ANAPC16: variants seen among roughly 807,000 people sequenced by gnomAD.
ANAPC16 encodes anaphase promoting complex subunit 16.
ANAPC16 carries 6 observed loss-of-function variants against 13.1 expected under a neutral mutation model. That is an observed-to-expected ratio of 0.46 (90% CI 0.25 to 0.90). The LOEUF is 0.90. Among genes scored for constraint, ANAPC16 ranks in the 40% least tolerant of loss-of-function variants. The pLI is 0.18. For synonymous variants in ANAPC16, 55 were observed against 51.3 expected, an observed-to-expected ratio of 1.07 and a Z score of -0.31; for missense variants, 113 against 131.1, an observed-to-expected ratio of 0.86 and a Z score of 0.67.
At chr10:72,221,361 A>G (rs901455543) in intron 1 of ANAPC16, among the ~76,000 whole-genome samples, 1 of 152,116 alleles carries the variant, frequency 6.6e-6, no homozygotes, top group African/African-American at 2.4e-5. Context: ...CAATAGCCAC[A>G]TGTGGCTACT....
intron 1 of ANAPC16, chr10:72,223,082 A>ATTTTTTTTT (rs67344471): frequency 4.6e-5 from 4 of 86,410 alleles, no homozygotes; most frequent in African/African-American, 1.5e-4. Flanking sequence ...GAAAAGGTTA[A>ATTTTTTTTT]TTTTTTTTTT....
chr10:72,220,331 A>G (rs1296937617), intron 1 of ANAPC16: 1 of 151,538 alleles, frequency 6.6e-6, no homozygotes, highest in Non-Finnish European at 1.5e-5. Flanking sequence ...GTCTCAAAAA[A>G]AAAAAAAAAA....
At chr10:72,226,404 T>C (rs1349572590) in intron 2 of ANAPC16, among the ~76,000 whole-genome samples, 1 of 152,078 alleles carries the variant, frequency 6.6e-6, no homozygotes, top group East Asian at 1.9e-4. Flanking sequence ...CCAGGCATAG[T>C]GACTCACACC....
intron 1 of ANAPC16, among the ~76,000 whole-genome samples, chr10:72,218,437 C>A (rs375434241): frequency 6.6e-6 from 1 of 151,774 alleles, no homozygotes; most frequent in African/African-American, 2.4e-5. Flanking sequence ...TTACGTTGCA[C>A]ATGACAAATA....
At position 72,225,260 on chromosome 10, in the gene ANAPC16, G is replaced by A. The variant is rs146030875; in HGVS notation, c.142+1204G>A. On this transcript the variant is annotated intron_variant, in intron 2 of 3. Coordinates refer to ENST00000299381, the MANE Select transcript of ANAPC16 (RefSeq NM_173473.4). ...ATTGTGCCACTGCACTCCAGCCTGGGTGACAGAGCAAGACTCTGTCTCAAA... is the reference window on the plus strand; with the variant it reads ...ATTGTGCCACTGCACTCCAGCCTGGATGACAGAGCAAGACTCTGTCTCAAA... Among the ~76,000 whole-genome samples, 54 of 152,194 alleles carry A rather than the reference G, an allele frequency of 3.5e-4. No homozygotes were observed. The East Asian group carries it at 0.01, about 28-fold the overall frequency.
chr10:72,233,041 A>T lies in ANAPC16; in HGVS notation c.258A>T (p.Val86=). ...VARMEKLAGL[V]EELEADEWRF... Reference sequence around the variant, plus strand: ...GGATGGAAAAACTAGCTGGTTTGGTAGAAGAGCTGGAGGCTGACGAGTGGC... The same window carrying T: ...GGATGGAAAAACTAGCTGGTTTGGTTGAAGAGCTGGAGGCTGACGAGTGGC... Residue 86 remains valine, a synonymous_variant, in exon 4 of 4, where the codon GTA becomes GTT. Transcript: ENST00000299381. The T allele has an allele frequency of 6.2e-7, 1 of 1,614,226 alleles. No homozygotes were observed. The highest frequency in any genetic ancestry group is 8.5e-7 in the Non-Finnish European group (1 of 1,180,038).
In ANAPC16 at chr10:72,218,145, CAAAAAAA is replaced by C. The variant is rs142932037; in HGVS notation, c.-28+2022_-28+2028del. Reference sequence around the variant, plus strand: ...GGGCAACAAGAGTGAAACTCTGTCTCAAAAAAAAAAAAAAAAAAAAATATATATATAT... The same window carrying C: ...GGGCAACAAGAGTGAAACTCTGTCTCAAAAAAAAAAAAAATATATATATAT... On this transcript the variant is annotated intron_variant, in intron 1 of 3. Coordinates refer to ENST00000299381, the MANE Select transcript of ANAPC16 (RefSeq NM_173473.4). Among the ~76,000 whole-genome samples, 35 of 34,868 alleles carry C rather than the reference CAAAAAAA, an allele frequency of 1.0e-3. No individual in the cohort carries two copies. The East Asian group carries it at 0.01, about 10-fold the overall frequency. The allele number at this position is 34,868 out of a possible 152,430, so 22.9% of individuals were successfully genotyped here.
At position 72,235,180 on chromosome 10, in the gene ANAPC16, G is replaced by A. The variant is rs1333806818; in HGVS notation, c.*2064G>A. 2.0e-5 allele frequency: 3 copies of A among 152,072 alleles called. No individual in the cohort carries two copies. Among genetic ancestry groups the A allele is most frequent in the Non-Finnish European group, 2.9e-5 (2 of 68,104 alleles). 9.4% of individuals were successfully genotyped at this position (152,072 alleles called of 1,614,324 possible). A position where few individuals can be genotyped will look rare whatever the true frequency, so the allele number is the denominator to read the frequency against. On this transcript the variant is annotated 3_prime_UTR_variant, in exon 4 of 4. Transcript: ENST00000299381. ...AAAAAAAAATAAAGCCGGGCGTGGT[G>A]GCTCACGCCTGTAATCCCGGCACTT...
chr10:72,222,471 T>TAA (rs58236784), intron 1 of ANAPC16, among the ~76,000 whole-genome samples: 1 of 139,456 alleles, frequency 7.2e-6, no homozygotes. Flanking sequence ...TGTCTCTATT[T>TAA]AAAAAAAAAA....
intron 2 of ANAPC16, among the ~76,000 whole-genome samples, chr10:72,227,130 T>C (rs1366626924): frequency 6.6e-6 from 1 of 152,332 alleles, no homozygotes; most frequent in African/African-American, 2.4e-5. Flanking sequence ...GAAGAATCCA[T>C]ATTCAACAAT....
chr10:72,220,097 A>C (rs918945420), intron 1 of ANAPC16: 2 of 151,362 alleles, frequency 1.3e-5, no homozygotes, highest in Admixed American at 1.3e-4. Flanking sequence ...TGGGAGGCCA[A>C]GGCAGGTGGA....
At chr10:72,222,764 C>A (rs1039639178) in intron 1 of ANAPC16, among the ~76,000 whole-genome samples, 1 of 152,164 alleles carries the variant, frequency 6.6e-6, no homozygotes. Flanking sequence ...GCGACAAGAG[C>A]GAGACTCCGT....
chr10:72,218,166 ATATATATATATATATATATATATATATAT>A (rs1171509944), intron 1 of ANAPC16, among the ~76,000 whole-genome samples: 4 of 20,344 alleles, frequency 2.0e-4, no homozygotes, highest in African/African-American at 6.5e-4. Flanking sequence ...AAAAAAAAAA[ATATATATATATATATATATATATATATAT>A]ATATATATAT....
At chr10:72,225,307 A>G (rs1860086167) in intron 2 of ANAPC16, among the ~76,000 whole-genome samples, 1 of 151,778 alleles carries the variant, frequency 6.6e-6, no homozygotes, top group African/African-American at 2.4e-5. Flanking sequence ...ATAAATAAAT[A>G]AAATGCATAT....
chr10:72,225,460 A>C (rs1164658871), intron 2 of ANAPC16, among the ~76,000 whole-genome samples: 3 of 151,204 alleles, frequency 2.0e-5, no homozygotes, highest in Admixed American at 2.0e-4. Context: ...CTCAAACCTA[A>C]AATTTCAGCA....
At chr10:72,223,821 G>A in intron 1 of ANAPC16, 67 bp from the exon 2 acceptor site, 1 of 1,270,488 alleles carries the variant, frequency 7.9e-7, no homozygotes, top group Non-Finnish European at 1.1e-6. Context: ...CCTTACAGCA[G>A]CTAGAATGAA....
intron 2 of ANAPC16, among the ~76,000 whole-genome samples, chr10:72,225,422 T>C (rs1335571150): frequency 6.6e-6 from 1 of 152,024 alleles, no homozygotes; most frequent in Non-Finnish European, 1.5e-5. Flanking sequence ...TTCCATATTT[T>C]GAAAAACATT....
intron 2 of ANAPC16, among the ~76,000 whole-genome samples, chr10:72,230,049 CAGG>C (rs1860247211): frequency 6.6e-6 from 1 of 152,130 alleles, no homozygotes; most frequent in Admixed American, 6.6e-5. Flanking sequence ...GCTTGACATA[CAGG>C]AGAACATTAA....
In ANAPC16 at chr10:72,233,398, T is replaced by C. The variant is rs1564796173; in HGVS notation, c.*282T>C. The C allele has an allele frequency of 3.3e-6, 1 of 306,776 alleles. No individual in the cohort carries two copies. The allele number at this position is 306,776 out of a possible 1,614,324, so 19.0% of individuals were successfully genotyped here. ...TGGGGTTAAGAGATACTCAAAAATT[T>C]TCACAAGCCAAGTAGGGCATATATC... On this transcript the variant is annotated 3_prime_UTR_variant, in exon 4 of 4. Transcript: ENST00000299381.
Sources: allele counts gnomAD v4.1 joint callset (sites outside exome capture counted in the v4.1 genomes callset), GRCh38; gene constraint gnomAD v4.1.1; transcripts MANE v1.5; gene names NCBI Gene and HGNC (gene_info 2026-07-23, HGNC 2026-07-21).